The following ABCB5 variants were observed in gnomAD, a reference collection of about 807,000 sequenced individuals.
ABCB5 encodes ATP binding cassette subfamily B member 5.
A neutral mutation model predicts 144.2 loss-of-function variants in ABCB5; 155 were observed. The ratio of observed to expected loss-of-function variants is 1.08; its 90% CI spans 0.94 to 1.23. The LOEUF (loss-of-function observed/expected upper bound fraction) is 1.23. Among genes scored for constraint, ABCB5 ranks in the 50% most tolerant of loss-of-function variants. ABCB5 has a pLI of 0.00. For synonymous variants in ABCB5, 610 were observed against 528.6 expected (o/e 1.15, Z -2.11); for missense variants, 1,830 against 1,520.8 (o/e 1.20, Z -3.38).
At chr7:20,639,580 C>A (rs1015734039) in intron 5 of ABCB5, among the ~76,000 whole-genome samples, 7 of 152,130 alleles carry the variant, frequency 4.6e-5, no homozygotes, top group African/African-American at 1.4e-4. Flanking sequence ...CCAGTTGTCC[C>A]AGAACCATTT....
intron 2 of ABCB5, among the ~76,000 whole-genome samples, chr7:20,626,216 G>A (rs1783905480): frequency 6.6e-6 from 1 of 152,170 alleles, no homozygotes; most frequent in Non-Finnish European, 1.5e-5. Flanking sequence ...AAAGTAAAGA[G>A]TTCTGTGGGT....
intron 7 of ABCB5, among the ~76,000 whole-genome samples, chr7:20,645,345 T>C (rs769033390): frequency 2.6e-5 from 4 of 152,246 alleles, no homozygotes; most frequent in Non-Finnish European, 5.9e-5. Context: ...GCATGTCTTA[T>C]ATAAAATCAG....
chr7:20,629,430 GCCATC>G (rs1279013725), intron 4 of ABCB5, among the ~76,000 whole-genome samples: 2 of 152,036 alleles, frequency 1.3e-5, no homozygotes, highest in African/African-American at 4.8e-5. Flanking sequence ...AAACGCTTGG[GCCATC>G]CCAGGCCACT....
chr7:20,743,917 CCA>C (rs1782638167), intron 25 of ABCB5, among the ~76,000 whole-genome samples: 1 of 152,156 alleles, frequency 6.6e-6, no homozygotes, highest in African/African-American at 2.4e-5. Flanking sequence ...TCTAAACCTT[CCA>C]CAGTTAGAAC....
intron 1 of ABCB5, among the ~76,000 whole-genome samples, chr7:20,618,360 G>C (rs77959491): frequency 0.11 from 16,555 of 152,172 alleles, 1,213 homozygotes; most frequent in Non-Finnish European, 0.15. Context: ...TATTTATGTA[G>C]CATGTATCAG....
intron 23 of ABCB5, among the ~76,000 whole-genome samples, chr7:20,737,575 A>G (rs1386578941): frequency 6.6e-6 from 1 of 152,224 alleles, no homozygotes; most frequent in Admixed American, 6.5e-5. Flanking sequence ...ATCTCAAATC[A>G]TGGGAAGAAG....
At chr7:20,738,934 T>C (rs767890422) in intron 23 of ABCB5, 49 bp from the exon 24 acceptor site, 9 of 1,520,232 alleles carry the variant, frequency 5.9e-6, no homozygotes, top group African/African-American at 1.4e-5. Context: ...TTCTACTGTT[T>C]TACAAAGGAT....
At chr7:20,747,421 C>T (rs1782763241) in intron 26 of ABCB5, among the ~76,000 whole-genome samples, 1 of 152,156 alleles carries the variant, frequency 6.6e-6, no homozygotes, top group African/African-American at 2.4e-5. Flanking sequence ...CCATGCCTGG[C>T]TAATTTTTGT....
chr7:20,627,056 C>G (rs1327427460), intron 3 of ABCB5, among the ~76,000 whole-genome samples: 1 of 152,018 alleles, frequency 6.6e-6, no homozygotes, highest in Non-Finnish European at 1.5e-5. Flanking sequence ...AAATAATTAT[C>G]TAAGAATTTT....
chr7:20,619,169 A>T (rs1231573137), intron 1 of ABCB5, among the ~76,000 whole-genome samples: 3 of 152,140 alleles, frequency 2.0e-5, no homozygotes, highest in African/African-American at 7.2e-5. Context: ...TAAACATAAG[A>T]GTGCATGCGT....
chr7:20,628,986 G>A, intron 4 of ABCB5, 148 bp downstream of exon 4: 4 of 851,206 alleles, frequency 4.7e-6, no homozygotes, highest in South Asian at 2.4e-5. Flanking sequence ...CCATATTGCT[G>A]GGCACTAAAG....
chr7:20,653,284 G>C (rs1450211138), intron 13 of ABCB5, among the ~76,000 whole-genome samples: 2 of 152,128 alleles, frequency 1.3e-5, no homozygotes, highest in African/African-American at 4.8e-5. Flanking sequence ...ATTAAAGATA[G>C]TAGCTTATCA....
At chr7:20,640,468 C>T (rs778570533) in intron 5 of ABCB5, among the ~76,000 whole-genome samples, 2 of 152,120 alleles carry the variant, frequency 1.3e-5, no homozygotes, top group Non-Finnish European at 2.9e-5. Context: ...CACCTGTTTT[C>T]TAGATAGGGC....
intron 20 of ABCB5, among the ~76,000 whole-genome samples, chr7:20,710,594 C>T (rs976224849): frequency 3.3e-5 from 5 of 149,564 alleles, no homozygotes; most frequent in Admixed American, 2.7e-4. Flanking sequence ...TGTCAACCCA[C>T]GCAATAAAAA....
At chr7:20,659,728 A>C in intron 14 of ABCB5, 1 of 985,964 alleles carries the variant, frequency 1.0e-6, no homozygotes, top group Non-Finnish European at 1.2e-6. Flanking sequence ...TTTAGACTAT[A>C]TTCAAGCCTC....
At chr7:20,727,945 T>C (rs1391219338) in intron 22 of ABCB5, among the ~76,000 whole-genome samples, 1 of 152,218 alleles carries the variant, frequency 6.6e-6, no homozygotes, top group Admixed American at 6.5e-5. Context: ...ATTTCCTCTA[T>C]TCTGTTAATG....
At position 20,681,531 on chromosome 7, in the gene ABCB5, G is replaced by A. The variant is rs752807530; in HGVS notation, c.1734G>A (p.Val578=). Reference sequence around the variant, plus strand: ...CGAGCAAAGGTCGGACTACAATCGTGGTAGCACACCGACTTTCTACTATTC... The same window carrying A: ...CGAGCAAAGGTCGGACTACAATCGTAGTAGCACACCGACTTTCTACTATTC... ...EKASKGRTTI[V]VAHRLSTIRS... The change falls in exon 15 of 28, where the codon GTG becomes GTA. Residue 578 remains valine (V), a synonymous_variant. Transcript: ENST00000404938. 1 of 1,614,124 alleles carries A rather than the reference G, an allele frequency of 6.2e-7. No homozygotes were observed. Among genetic ancestry groups the A allele is most frequent in the Non-Finnish European group, 8.5e-7 (1 of 1,180,026 alleles).
chr7:20,631,175 CA>C (rs1784030282), intron 4 of ABCB5, among the ~76,000 whole-genome samples: 1 of 152,072 alleles, frequency 6.6e-6, no homozygotes, highest in African/African-American at 2.4e-5. Flanking sequence ...GAGATTATGC[CA>C]TTTTTATAAG....
chr7:20,651,019 T>G (rs1385295262), intron 12 of ABCB5, among the ~76,000 whole-genome samples: 2 of 152,162 alleles, frequency 1.3e-5, no homozygotes, highest in East Asian at 3.8e-4. Flanking sequence ...ACTTTTGTCT[T>G]TTGCAGAGGT....
Sources: allele counts gnomAD v4.1 joint callset (sites outside exome capture counted in the v4.1 genomes callset), GRCh38; gene constraint gnomAD v4.1.1; transcripts MANE v1.5; gene names NCBI Gene and HGNC (gene_info 2026-07-23, HGNC 2026-07-21).